SUCLG2: variants seen among roughly 807,000 people sequenced by gnomAD.
SUCLG2 encodes the protein succinate--CoA ligase [GDP-forming] subunit beta, mitochondrial.
In SUCLG2, 42 loss-of-function variants were observed where a neutral mutation model predicts 47.9. The ratio of observed to expected loss-of-function variants is 0.88; its 90% CI spans 0.69 to 1.14. The LOEUF is 1.14. Among genes scored for constraint, SUCLG2 ranks in the 50% most tolerant of loss-of-function variants. The pLI is 0.00. For synonymous variants in SUCLG2, 195 were observed against 197.3 expected (o/e 0.99, Z 0.10); for missense variants, 571 against 525.9 (o/e 1.09, Z -0.84).
intron 1 of SUCLG2, among the ~76,000 whole-genome samples, chr3:67,631,253 A>G (rs116548459): frequency 0.022 from 3,405 of 152,300 alleles, 136 homozygotes; most frequent in African/African-American, 0.076. Flanking sequence ...GGCCTAGACC[A>G]CAGGAAAAGA....
At chr3:67,470,356 A>G (rs934787496) in intron 9 of SUCLG2, among the ~76,000 whole-genome samples, 11 of 152,320 alleles carry the variant, frequency 7.2e-5, no homozygotes, top group African/African-American at 2.4e-4. Context: ...CGTATACTTC[A>G]GACTGCTGAG....
chr3:67,485,062 T>A (rs981545041), intron 9 of SUCLG2, among the ~76,000 whole-genome samples: 5 of 152,164 alleles, frequency 3.3e-5, no homozygotes, highest in Non-Finnish European at 4.4e-5. Flanking sequence ...AACAGGAAGA[T>A]ATTAAACTGA....
At chr3:67,459,833 C>T (rs1256233879) in intron 9 of SUCLG2, among the ~76,000 whole-genome samples, 1 of 152,156 alleles carries the variant, frequency 6.6e-6, no homozygotes, top group African/African-American at 2.4e-5. Flanking sequence ...GTCTCCTCTA[C>T]CATGCAATGG....
At chr3:67,366,843 C>T (rs916297371) in intron 10 of SUCLG2, among the ~76,000 whole-genome samples, 1 of 152,184 alleles carries the variant, frequency 6.6e-6, no homozygotes, top group African/African-American at 2.4e-5. Context: ...TTTTGAGGTG[C>T]TGATTGTCCT....
At chr3:67,608,384 G>T (rs538895012) in intron 2 of SUCLG2, among the ~76,000 whole-genome samples, 65 of 152,238 alleles carry the variant, frequency 4.3e-4, no homozygotes, top group African/African-American at 1.5e-3. Context: ...GCTATCTCAG[G>T]TAAAAGAATA....
intron 1 of SUCLG2, among the ~76,000 whole-genome samples, 178 bp from the exon 2 acceptor site, chr3:67,609,774 C>G (rs185261171): frequency 6.6e-6 from 1 of 151,976 alleles, no homozygotes; most frequent in Admixed American, 6.6e-5. Flanking sequence ...TTAACAAAAA[C>G]TGTTAAGGAC....
intron 2 of SUCLG2, among the ~76,000 whole-genome samples, chr3:67,604,930 A>T (rs1482518647): frequency 6.6e-6 from 1 of 152,224 alleles, no homozygotes; most frequent in Non-Finnish European, 1.5e-5. Flanking sequence ...ATTATTTACA[A>T]ATCTTTCTAA....
intron 9 of SUCLG2, among the ~76,000 whole-genome samples, chr3:67,456,883 C>T (rs1034694095): frequency 6.6e-6 from 1 of 151,908 alleles, no homozygotes; most frequent in African/African-American, 2.4e-5. Flanking sequence ...TGGGATGATA[C>T]ACACCAAAAT....
At chr3:67,583,834 A>C (rs1054383070) in intron 2 of SUCLG2, among the ~76,000 whole-genome samples, 2 of 152,072 alleles carry the variant, frequency 1.3e-5, no homozygotes, top group African/African-American at 4.8e-5. Context: ...TACCTCTCTA[A>C]ACTTCTCTTC....
chr3:67,531,011 C>A (rs1056868845), intron 2 of SUCLG2, among the ~76,000 whole-genome samples: 1 of 152,156 alleles, frequency 6.6e-6, no homozygotes, highest in African/African-American at 2.4e-5. Context: ...AGAGAAGAAA[C>A]AACTGAGATT....
Position 67,582,519 on chromosome 3 carries a change from G to A in SUCLG2, c.226+26936C>T, listed in dbSNP as rs1003553734. Among the ~76,000 whole-genome samples, 7 of 152,146 alleles carry A rather than the reference G, an allele frequency of 4.6e-5. No individual in the cohort carries two copies. The East Asian group carries it at 1.3e-3, about 29-fold the overall frequency. On this transcript the variant is annotated intron_variant, in intron 2 of 10. Transcript: ENST00000307227. ...CATTTTCTTTATCCGGTCTACCAGT[G>A]ATGGGCACCTAAGTTGATTCCATGT... is the stretch of plus-strand genomic sequence containing the variant.
chr3:67,407,697 A>T (rs75696019), intron 9 of SUCLG2, among the ~76,000 whole-genome samples: 1 of 152,194 alleles, frequency 6.6e-6, no homozygotes, highest in Non-Finnish European at 1.5e-5. Context: ...ATGCTAATTT[A>T]GTCCCACTGT....
At chr3:67,633,188 T>G (rs2107355407) in intron 1 of SUCLG2, among the ~76,000 whole-genome samples, 1 of 152,308 alleles carries the variant, frequency 6.6e-6, no homozygotes, top group South Asian at 2.1e-4. Context: ...TAAAATGTTT[T>G]TAAGGTTATT....
chr3:67,566,482 T>C (rs899613803), intron 2 of SUCLG2, among the ~76,000 whole-genome samples: 1 of 152,208 alleles, frequency 6.6e-6, no homozygotes, highest in Non-Finnish European at 1.5e-5. Flanking sequence ...CATATACATA[T>C]GTATCTCCAC....
At chr3:67,552,613 G>T (rs567062628) in intron 2 of SUCLG2, among the ~76,000 whole-genome samples, 1 of 152,302 alleles carries the variant, frequency 6.6e-6, no homozygotes, top group Admixed American at 6.5e-5. Context: ...TTTGTGGATT[G>T]CCATTCCAGT....
At chr3:67,450,874 T>C (rs566888093) in intron 9 of SUCLG2, among the ~76,000 whole-genome samples, 1 of 152,184 alleles carries the variant, frequency 6.6e-6, no homozygotes, top group East Asian at 1.9e-4. Context: ...AAAACTAAAC[T>C]AACTCTGCTT....
At chr3:67,399,228 T>C (rs1702628291) in intron 10 of SUCLG2, among the ~76,000 whole-genome samples, 1 of 152,142 alleles carries the variant, frequency 6.6e-6, no homozygotes, top group African/African-American at 2.4e-5. Flanking sequence ...AACCCTTGAT[T>C]ACACATCTGT....
Position 67,640,195 on chromosome 3 carries a change from T to C in SUCLG2, c.84+14308A>G, listed in dbSNP as rs541004549. ...TCAGCACTATGTGACTCACTGGTAT[T>C]GGATGCTGCATCCCTGCGTTACCTA... On this transcript the variant is annotated intron_variant, in intron 1 of 10. Transcript: ENST00000307227. 3.4e-4 allele frequency among the ~76,000 whole-genome samples: 52 copies of C among 152,330 alleles called. No individual in the cohort carries two copies. The South Asian group carries it at 9.5e-3, about 28-fold the overall frequency.
chr3:67,463,171 G>A (rs1704380643), intron 9 of SUCLG2, among the ~76,000 whole-genome samples: 1 of 152,170 alleles, frequency 6.6e-6, no homozygotes, highest in African/African-American at 2.4e-5. Flanking sequence ...CCCTCTCTGA[G>A]ACTGTCTTCT....
Sources: allele counts gnomAD v4.1 joint callset (sites outside exome capture counted in the v4.1 genomes callset), GRCh38; gene constraint gnomAD v4.1.1; transcripts MANE v1.5; gene names NCBI Gene and HGNC (gene_info 2026-07-23, HGNC 2026-07-21).